The following ABCB1 variants were observed in gnomAD, a reference collection of about 807,000 sequenced individuals.
The protein encoded by ABCB1 is ATP binding cassette subfamily B member 1.
Under a neutral mutation model 142.0 loss-of-function variants are expected in ABCB1, and 69 were observed. The observed-to-expected ratio is 0.49, with a 90% confidence interval of 0.40 to 0.59. ABCB1 has a LOEUF of 0.59. ABCB1 is among the 20% of genes least tolerant of loss of function. The pLI is 0.00. For missense variants in ABCB1, 1,326 were observed against 1,554.7 expected, an observed-to-expected ratio of 0.85 and a Z score of 2.47; for synonymous variants, 532 against 539.2, an observed-to-expected ratio of 0.99 and a Z score of 0.18.
chr7:87,605,073 T>C (rs1160284276), upstream of ABCB1, among the ~76,000 whole-genome samples: 1 of 152,212 alleles, frequency 6.6e-6, no homozygotes. Flanking sequence ...ACTAGTAGGC[T>C]AAATGCCTAA....
chr7:87,599,478 G>A (rs896346393), intron 2 of ABCB1, among the ~76,000 whole-genome samples: 1 of 152,132 alleles, frequency 6.6e-6, no homozygotes, highest in African/African-American at 2.4e-5. Context: ...AGCAGCATAT[G>A]GCTCACGTGT....
chr7:87,549,261 C>T, intron 14 of ABCB1, 87 bp downstream of exon 14: 1 of 1,540,512 alleles, frequency 6.5e-7, no homozygotes, highest in Non-Finnish European at 8.9e-7. Context: ...CAGAAATTTC[C>T]TTTTCTAAGA....
Position 87,539,267 on chromosome 7 carries a change from C to T in ABCB1, c.2397+1G>A. On this transcript the variant is annotated splice_donor_variant, in intron 19 of 27. Transcript: ENST00000622132. LOFTEE classifies it high-confidence loss of function. ...CAGGGCACAGCCCTCGATAGACATACCTGTCTGAGCATGGATCGGAAAACC... is the reference window on the plus strand; with the variant it reads ...CAGGGCACAGCCCTCGATAGACATATCTGTCTGAGCATGGATCGGAAAACC... 6.2e-7 allele frequency: 1 copy of T among 1,613,932 alleles called. No homozygotes were observed. The highest frequency in any genetic ancestry group is 8.5e-7 in the Non-Finnish European group (1 of 1,179,884).
Position 87,520,876 on chromosome 7 carries a change from T to C in ABCB1, c.2686A>G (p.Ile896Val). ...AAGTTTTCTATTGCTTCAGTAGCGA[T>C]CTGTAACAGACAGCACCGATCACCA... The part of the protein sequence containing the change: ...DKKELEGSGK[I>V]ATEAIENFRT... The change falls in exon 22 of 28, where the codon ATC (isoleucine) becomes GTC (valine). Residue 896 changes from isoleucine to valine, a missense_variant and splice_region_variant. Ile to Val is a conservative substitution (Grantham distance 29). Transcript: ENST00000622132. The C allele has an allele frequency of 6.2e-7, 1 of 1,613,176 alleles. No homozygotes were observed. The highest frequency in any genetic ancestry group is 8.5e-7 in the Non-Finnish European group (1 of 1,179,222).
At chr7:87,538,192 A>G (rs1234270358) in intron 19 of ABCB1, among the ~76,000 whole-genome samples, 1 of 152,208 alleles carries the variant, frequency 6.6e-6, no homozygotes, top group Non-Finnish European at 1.5e-5. Flanking sequence ...TGGGCACAGC[A>G]GTTGGCCTGG....
At chr7:87,646,189 G>T (rs552550237) in intron 1 of ABCB1, among the ~76,000 whole-genome samples, 1 of 152,166 alleles carries the variant, frequency 6.6e-6, no homozygotes, top group Non-Finnish European at 1.5e-5. Flanking sequence ...TAACCTATGA[G>T]TAATGTAGAA....
intron 21 of ABCB1, among the ~76,000 whole-genome samples, chr7:87,526,532 A>G (rs915979683): frequency 3.3e-5 from 5 of 151,934 alleles, no homozygotes; most frequent in Non-Finnish European, 5.9e-5. Flanking sequence ...AATTTATTAA[A>G]AAAAAAAAGA....
intron 1 of ABCB1, among the ~76,000 whole-genome samples, chr7:87,668,462 T>A (rs1337807078): frequency 6.6e-6 from 1 of 152,074 alleles, no homozygotes; most frequent in African/African-American, 2.4e-5. Context: ...TTTTGATTGT[T>A]TTTTTTGTGT....
chr7:87,560,799 A>G (rs528791687), intron 8 of ABCB1, among the ~76,000 whole-genome samples: 2 of 152,302 alleles, frequency 1.3e-5, no homozygotes, highest in African/African-American at 4.8e-5. Flanking sequence ...TAAACAACAC[A>G]TAATATAAAA....
intron 1 of ABCB1, among the ~76,000 whole-genome samples, chr7:87,686,767 C>A (rs1340470183): frequency 1.3e-5 from 2 of 150,172 alleles, no homozygotes; most frequent in Non-Finnish European, 3.0e-5. Flanking sequence ...TGGTGAAACC[C>A]CGCCTCTAGA....
At chr7:87,514,645 C>T (rs571883810) in intron 25 of ABCB1, among the ~76,000 whole-genome samples, 1 of 152,156 alleles carries the variant, frequency 6.6e-6, no homozygotes, top group Non-Finnish European at 1.5e-5. Flanking sequence ...TCCTTATTTG[C>T]CTTTCTTTTA....
At chr7:87,708,019 G>C (rs913025788) in intron 1 of ABCB1, among the ~76,000 whole-genome samples, 2 of 152,002 alleles carry the variant, frequency 1.3e-5, no homozygotes, top group Non-Finnish European at 2.9e-5. Flanking sequence ...TGTGCTTAGA[G>C]GAATAGGCTT....
At chr7:87,689,700 C>T (rs574408368) in intron 1 of ABCB1, among the ~76,000 whole-genome samples, 1 of 152,146 alleles carries the variant, frequency 6.6e-6, no homozygotes, top group South Asian at 2.1e-4. Context: ...TAATAATAAT[C>T]CCAGTTCCTA....
At chr7:87,658,232 T>A (rs1223615105) in intron 1 of ABCB1, among the ~76,000 whole-genome samples, 1 of 152,102 alleles carries the variant, frequency 6.6e-6, no homozygotes, top group South Asian at 2.1e-4. Context: ...GGAAATTTGG[T>A]GCTGAAAAAA....
At chr7:87,665,811 A>G (rs1265307125) in intron 1 of ABCB1, among the ~76,000 whole-genome samples, 1 of 151,966 alleles carries the variant, frequency 6.6e-6, no homozygotes, top group Admixed American at 6.6e-5. Flanking sequence ...CTGTTCCCGC[A>G]TTATTTCACT....
At chr7:87,550,624 C>G (rs911919995) in intron 10 of ABCB1, 46 bp from the exon 11 acceptor site, 5 of 1,585,564 alleles carry the variant, frequency 3.2e-6, no homozygotes, top group South Asian at 1.1e-5. Flanking sequence ...ACAATAACTA[C>G]TTTTAGTGAT....
At chr7:87,559,624 C>A (rs1264938789) in intron 8 of ABCB1, among the ~76,000 whole-genome samples, 1 of 151,370 alleles carries the variant, frequency 6.6e-6, no homozygotes, top group Non-Finnish European at 1.5e-5. Flanking sequence ...ATGTTTAGTT[C>A]TTTAATTTTC....
At chr7:87,691,930 T>C (rs1167219251) in intron 1 of ABCB1, among the ~76,000 whole-genome samples, 1 of 152,204 alleles carries the variant, frequency 6.6e-6, no homozygotes, top group East Asian at 1.9e-4. Flanking sequence ...TTGTTGAAAT[T>C]TGACTACATT....
intron 4 of ABCB1, among the ~76,000 whole-genome samples, chr7:87,579,692 T>C (rs1818425498): frequency 6.6e-6 from 1 of 152,162 alleles, no homozygotes; most frequent in South Asian, 2.1e-4. Context: ...CCTGCCATTT[T>C]GTTTGTTGTT....
Sources: allele counts gnomAD v4.1 joint callset (sites outside exome capture counted in the v4.1 genomes callset), GRCh38; gene constraint gnomAD v4.1.1; transcripts MANE v1.5; gene names NCBI Gene and HGNC (gene_info 2026-07-23, HGNC 2026-07-21).